The following SDR42E2 variants were observed in gnomAD, a reference collection of about 807,000 sequenced individuals.
The protein encoded by SDR42E2 is putative short-chain dehydrogenase/reductase family 42E member 2.
SDR42E2 carries 20 observed loss-of-function variants against 10.5 expected under a neutral mutation model. That is an observed-to-expected ratio of 1.90 (90% CI 1.34 to 2.77). The LOEUF (loss-of-function observed/expected upper bound fraction) is 2.77, where lower values mean the gene tolerates loss of function less well. Ranked by LOEUF, SDR42E2 falls within the 30% of genes most tolerant of loss-of-function variation. The probability of loss-of-function intolerance (pLI) is 0.00; values close to 1 mark genes in which losing one functional copy is unlikely to be tolerated. For missense variants in SDR42E2, 162 were observed against 104.2 expected, an observed-to-expected ratio of 1.55 and a Z score of -2.42; for synonymous variants, 72 against 39.2, an observed-to-expected ratio of 1.84 and a Z score of -3.12.
chr16:22,172,278 C>A lies in SDR42E2; in HGVS notation c.536C>A (p.Thr179Asn), dbSNP rs1385722483. ...CAGCACGTAGACCACTACTCCCGAA[C>A]CAAAGCCATCGCCGACCAATTGACC... ...LDEHVDHYSR[T>N]KAIADQLTLM... The change falls in exon 7 of 13, where the codon ACC becomes AAC. Residue 179 changes from threonine to asparagine, a missense_variant. Physicochemically the swap from Thr to Asn is moderately conservative, Grantham distance 65. Transcript: ENST00000602312. 2 of 703,100 alleles carry A rather than the reference C, an allele frequency of 2.8e-6. No individual in the cohort carries two copies. Among genetic ancestry groups the A allele is most frequent in the East Asian group, 5.4e-5 (2 of 37,302 alleles). 43.6% of individuals were successfully genotyped at this position (703,100 alleles called of 1,614,324 possible). A position where few individuals can be genotyped will look rare whatever the true frequency, so the allele number is the denominator to read the frequency against.
At chr16:22,166,592 T>C (rs1008335409) in intron 3 of SDR42E2, among the ~76,000 whole-genome samples, 158 bp downstream of exon 3, 2 of 152,128 alleles carry the variant, frequency 1.3e-5, no homozygotes, top group Admixed American at 6.5e-5. Flanking sequence ...TGGGTAGCTA[T>C]GGTCACAGAA....
chr16:22,190,254 C>T lies in SDR42E2; in HGVS notation c.1130C>T (p.Thr377Met), dbSNP rs1406919352. ...ADAVELYVQS[T>M]TRRPRGSTAR... is the part of the protein sequence containing the mutation. ...GCCGTGGAGCTATACGTGCAGTCCA[C>T]GACCCGGCGGCCCCGCGGCTCCACG... Residue 377 changes from threonine to methionine, a missense_variant, in exon 13 of 13, where the codon ACG becomes ATG. Coordinates refer to ENST00000602312, the MANE Select transcript of SDR42E2 (RefSeq NM_001394319.2). 3 of 401,212 alleles carry T rather than the reference C, an allele frequency of 7.5e-6. No individual in the cohort carries two copies. The highest frequency in any genetic ancestry group is 1.3e-5 in the Non-Finnish European group (3 of 226,268). The allele number at this position is 401,212 out of a possible 1,614,324, so 24.9% of individuals were successfully genotyped here. A position where few individuals can be genotyped will look rare whatever the true frequency, so the allele number is the denominator to read the frequency against.
At chr16:22,179,952 T>C (rs1464730009) in intron 8 of SDR42E2, among the ~76,000 whole-genome samples, 1 of 151,520 alleles carries the variant, frequency 6.6e-6, no homozygotes. Context: ...TTGACAGAGG[T>C]GACAAAGTCT....
chr16:22,168,826 T>C (rs1245519985), intron 4 of SDR42E2, among the ~76,000 whole-genome samples: 3 of 151,986 alleles, frequency 2.0e-5, no homozygotes, highest in African/African-American at 7.2e-5. Context: ...TGAGCCAAGA[T>C]TGTACCACTA....
At chr16:22,166,791 C>T in intron 3 of SDR42E2, 113 bp from the exon 4 acceptor site, 1 of 462,938 alleles carries the variant, frequency 2.2e-6, no homozygotes, top group Non-Finnish European at 3.9e-6. Flanking sequence ...GCTACAGAGG[C>T]TTGGCCTGGG....
At chr16:22,169,812 C>T (rs1171322850) in intron 5 of SDR42E2, among the ~76,000 whole-genome samples, 1 of 152,056 alleles carries the variant, frequency 6.6e-6, no homozygotes, top group Non-Finnish European at 1.5e-5. Context: ...GGGTGGATCA[C>T]CTGAGGTCAA....
chr16:22,169,210 C>A (rs2046572164), intron 4 of SDR42E2, among the ~76,000 whole-genome samples: 1 of 152,118 alleles, frequency 6.6e-6, no homozygotes, highest in South Asian at 2.1e-4. Context: ...AGGAGGTTGG[C>A]CCTCACTTTA....
intron 10 of SDR42E2, among the ~76,000 whole-genome samples, chr16:22,183,470 G>A (rs2046712574): frequency 6.6e-6 from 1 of 152,202 alleles, no homozygotes; most frequent in Non-Finnish European, 1.5e-5. Flanking sequence ...AAGCGCAAGG[G>A]AGGTGTTTGG....
At chr16:22,177,586 C>T (rs1450221230) in intron 7 of SDR42E2, among the ~76,000 whole-genome samples, 1 of 151,744 alleles carries the variant, frequency 6.6e-6, no homozygotes, top group Non-Finnish European at 1.5e-5. Context: ...CAAGATTGCG[C>T]CACTGCATTG....
intron 1 of SDR42E2, among the ~76,000 whole-genome samples, chr16:22,164,365 C>T (rs1188219489): frequency 6.6e-6 from 1 of 152,104 alleles, no homozygotes; most frequent in Non-Finnish European, 1.5e-5. Flanking sequence ...TCAAGACCAG[C>T]CTGGCCAACA....
intron 6 of SDR42E2, among the ~76,000 whole-genome samples, chr16:22,171,881 G>A (rs2046604704): frequency 1.3e-5 from 2 of 152,190 alleles, no homozygotes; most frequent in South Asian, 2.1e-4. Context: ...CCATGGGGTT[G>A]TGCAGAGCAG....
At chr16:22,166,530 CTGTT>C (rs1283112339) in intron 3 of SDR42E2, 96 bp downstream of exon 3, 4 of 402,304 alleles carry the variant, frequency 9.9e-6, no homozygotes, top group African/African-American at 2.1e-5. Flanking sequence ...TAGGGGCACA[CTGTT>C]TGAAGCCAGA....
chr16:22,166,938 C>G lies in SDR42E2; in HGVS notation c.275C>G (p.Ala92Gly). 2.9e-6 allele frequency: 2 copies of G among 700,754 alleles called. No homozygotes were observed. The highest frequency in any genetic ancestry group is 5.2e-6 in the Non-Finnish European group (2 of 383,524). The allele number at this position is 700,754 out of a possible 1,614,324, so 43.4% of individuals were successfully genotyped here. The change falls in exon 4 of 13, where the codon GCC becomes GGC. Residue 92 changes from alanine (A) to glycine (G), a missense_variant. Ala to Gly is a moderately conservative substitution (Grantham distance 60, BLOSUM62 0). Coordinates refer to ENST00000602312, the MANE Select transcript of SDR42E2 (RefSeq NM_001394319.2). ...CGAGATGAAGAAGCCCTGTACCGTG[C>G]CTTCGAAGGGGTGGACTGTGTCTTC... ...DVRDEEALYR[A>G]FEGVDCVFHV...
rs749949227 is a variant in SDR42E2, at chr16:22,181,571, G to A, written c.725G>A (p.Arg242Gln). 298 of 702,922 alleles carry A rather than the reference G, an allele frequency of 4.2e-4. 1 individual carries two copies. The highest frequency in any genetic ancestry group is 2.9e-3 in the Admixed American group (143 of 49,986). The allele number at this position is 702,922 out of a possible 1,614,324, so 43.5% of individuals were successfully genotyped here. A position where few individuals can be genotyped will look rare whatever the true frequency, so the allele number is the denominator to read the frequency against. Reference protein sequence around the residue: ...FMFRFGDHKARMNWVHVHNLV... With the variant: ...FMFRFGDHKAQMNWVHVHNLV... ...TTCCGATTTGGGGACCACAAGGCAC[G>A]GATGAACTGGGTCCACGTACACAAT... The change falls in exon 9 of 13, where the codon CGG (arginine) becomes CAG (glutamine). Residue 242 changes from arginine (R) to glutamine (Q), a missense_variant. Physicochemically the swap from Arg to Gln is conservative, Grantham distance 43. Coordinates refer to ENST00000602312, the MANE Select transcript of SDR42E2 (RefSeq NM_001394319.2).
chr16:22,186,839 C>T lies in SDR42E2; in HGVS notation c.1014+45C>T, dbSNP rs867582949. 1.2e-5 allele frequency: 5 copies of T among 400,466 alleles called. No homozygotes were observed. The Middle Eastern group carries it at 1.6e-3, about 130-fold the overall frequency. 24.8% of individuals were successfully genotyped at this position (400,466 alleles called of 1,614,324 possible). ...GGGACCTAGGCCCTGCTCCCCATCC[C>T]TCCCTTCCTACCTCTCCCCACCATC... On this transcript the variant is annotated intron_variant, in intron 12 of 12. Coordinates refer to ENST00000602312, the MANE Select transcript of SDR42E2 (RefSeq NM_001394319.2).
At chr16:22,169,584 G>A (rs918058658) in intron 5 of SDR42E2, 82 bp downstream of exon 5, 2 of 702,148 alleles carry the variant, frequency 2.8e-6, no homozygotes, top group Admixed American at 2.0e-5. Flanking sequence ...CTCCCAGGGT[G>A]TAGGGTCAAA....
chr16:22,187,258 A>G (rs1455650879), intron 12 of SDR42E2, among the ~76,000 whole-genome samples: 4 of 152,160 alleles, frequency 2.6e-5, no homozygotes, highest in Non-Finnish European at 4.4e-5. Context: ...CATACAGAAT[A>G]TAATTATTTT....
Position 22,190,301 on chromosome 16 carries a change from C to G in SDR42E2, c.1177C>G (p.Leu393Val), listed in dbSNP as rs2046763771. Residue 393 changes from leucine to valine, a missense_variant, in exon 13 of 13, where the codon CTG (leucine) becomes GTG (valine). Transcript: ENST00000602312. ...CACGGCGCGGACCCTCCTGCGCCTG[C>G]TGCTCAGGCTGCTGCTGTTCCTCGG... ...GSTARTLLRL[L>V]LRLLLFLGLL... The G allele has an allele frequency of 5.0e-6, 2 of 402,082 alleles. No homozygotes were observed. Among genetic ancestry groups the G allele is most frequent in the Non-Finnish European group, 8.8e-6 (2 of 226,882 alleles). 24.9% of individuals were successfully genotyped at this position (402,082 alleles called of 1,614,324 possible).
chr16:22,168,324 G>A (rs1334428831), intron 4 of SDR42E2, among the ~76,000 whole-genome samples: 1 of 151,980 alleles, frequency 6.6e-6, no homozygotes, highest in Non-Finnish European at 1.5e-5. Flanking sequence ...GGTGTGCAGT[G>A]ATATGATCTC....
Sources: allele counts gnomAD v4.1 joint callset (sites outside exome capture counted in the v4.1 genomes callset), GRCh38; gene constraint gnomAD v4.1.1; transcripts MANE v1.5; gene names NCBI Gene and HGNC (gene_info 2026-07-23, HGNC 2026-07-21).